CSNK1G1: variants seen among roughly 807,000 people sequenced by gnomAD.
CSNK1G1 encodes the protein casein kinase 1 gamma 1.
A neutral mutation model predicts 59.6 loss-of-function variants in CSNK1G1; 22 were observed. The observed-to-expected ratio is 0.37, with a 90% CI of 0.26 to 0.53. CSNK1G1 has a LOEUF of 0.53. CSNK1G1 is among the 20% of genes least tolerant of loss of function. The probability of loss-of-function intolerance (pLI) is 0.89; values close to 1 mark genes in which losing one functional copy is unlikely to be tolerated. For synonymous variants in CSNK1G1, 179 were observed against 177.1 expected (o/e 1.01, Z -0.08); for missense variants, 384 against 519.5 (o/e 0.74, Z 2.54).
chr15:64,215,282 G>A (rs1032848246), intron 5 of CSNK1G1, among the ~76,000 whole-genome samples: 3 of 140,964 alleles, frequency 2.1e-5, no homozygotes, highest in South Asian at 2.2e-4. Context: ...GCACGATCTC[G>A]GCTCACTGCA....
intron 1 of CSNK1G1, among the ~76,000 whole-genome samples, chr15:64,349,255 T>C (rs571471915): frequency 6.6e-6 from 1 of 152,202 alleles, no homozygotes; most frequent in Admixed American, 6.5e-5. Flanking sequence ...CAGAAATCCA[T>C]GGGGATCCAA....
chr15:64,236,913 A>G (rs1039474020), intron 4 of CSNK1G1, among the ~76,000 whole-genome samples: 15 of 152,246 alleles, frequency 9.9e-5, no homozygotes, highest in African/African-American at 3.6e-4. Context: ...GGATGAATCA[A>G]TAAAGAAAAT....
At chr15:64,332,676 A>AAAAAT (rs765472419) in intron 1 of CSNK1G1, among the ~76,000 whole-genome samples, 1 of 144,222 alleles carries the variant, frequency 6.9e-6, no homozygotes, top group African/African-American at 2.5e-5. Context: ...AAGTATAATT[A>AAAAAT]AAAATAAAAT....
intron 10 of CSNK1G1, among the ~76,000 whole-genome samples, chr15:64,183,514 T>C (rs2081848246): frequency 1.3e-5 from 2 of 152,170 alleles, no homozygotes; most frequent in Admixed American, 1.3e-4. Context: ...ACTGTGTAAG[T>C]GATGGAAGAG....
intron 3 of CSNK1G1, among the ~76,000 whole-genome samples, chr15:64,258,953 TAATC>T (rs1306765185): frequency 6.6e-6 from 1 of 152,134 alleles, no homozygotes; most frequent in African/African-American, 2.4e-5. Flanking sequence ...CAGCTTTTTT[TAATC>T]AACTAATTTT....
chr15:64,210,498 C>T lies in CSNK1G1; in HGVS notation c.680-2904G>A, dbSNP rs1023409284. Among the ~76,000 whole-genome samples, 7 of 152,040 alleles carry T rather than the reference C, an allele frequency of 4.6e-5. No individual in the cohort carries two copies. Among genetic ancestry groups the T allele is most frequent in the African/African-American group, 1.4e-4 (6 of 41,394 alleles). The stretch of plus-strand genomic sequence containing the variant: ...TTCATTTTCAAAGAAGAAAGGTTTC[C>T]AATACCAGTGAGACCAGCAGGACAC... On this transcript the variant is annotated intron_variant, in intron 6 of 11. Transcript: ENST00000303052. This position sits in a 1 kb window ranked among gnomAD's most constrained non-coding sequence, Gnocchi z 4.2.
intron 2 of CSNK1G1, among the ~76,000 whole-genome samples, chr15:64,293,087 G>A (rs2098923281): frequency 6.6e-6 from 1 of 152,130 alleles, no homozygotes; most frequent in African/African-American, 2.4e-5. Flanking sequence ...TGATTCAGCA[G>A]AAGGCTCAAA....
Position 64,356,020 on chromosome 15 carries a change from G to A in CSNK1G1, c.-257C>T, listed in dbSNP as rs915841584. On this transcript the variant is annotated 5_prime_UTR_variant, in exon 1 of 12. Transcript: ENST00000303052. ...AGCAGTGCTGCAAGGCGCAAATGAG[G>A]CGGGCGCGGTCCCCTCCCCGAGGCG... The A allele has an allele frequency of 3.9e-5, 6 of 152,266 alleles. No homozygotes were observed. Among genetic ancestry groups the A allele is most frequent in the Admixed American group, 6.6e-5 (1 of 15,260 alleles). 9.4% of individuals were successfully genotyped at this position (152,266 alleles called of 1,614,324 possible).
chr15:64,201,921 T>C (rs991487925), intron 10 of CSNK1G1, among the ~76,000 whole-genome samples: 3 of 152,202 alleles, frequency 2.0e-5, no homozygotes, highest in African/African-American at 7.2e-5. Context: ...TTTATTATGC[T>C]TTGCTTATTT....
chr15:64,340,693 C>A (rs1897638810), intron 1 of CSNK1G1, among the ~76,000 whole-genome samples: 1 of 152,140 alleles, frequency 6.6e-6, no homozygotes, highest in Non-Finnish European at 1.5e-5. Context: ...TTGGCTCATG[C>A]CTGTAATCCC....
At position 64,188,266 on chromosome 15, in the gene CSNK1G1, G is replaced by C; in HGVS notation, c.1108-7812C>G. 1 of 709,110 alleles carries C rather than the reference G, an allele frequency of 1.4e-6. No individual in the cohort carries two copies. Among genetic ancestry groups the C allele is most frequent in the Non-Finnish European group, 2.3e-6 (1 of 438,074 alleles). The allele number at this position is 709,110 out of a possible 1,614,324, so 43.9% of individuals were successfully genotyped here. A position where few individuals can be genotyped will look rare whatever the true frequency, so the allele number is the denominator to read the frequency against. ...GAAAATCTACAGAGATATTCAATTAGCCCTTCCTGTAAGCTTCCTTTCTAA... is the reference window on the plus strand; with the variant it reads ...GAAAATCTACAGAGATATTCAATTACCCCTTCCTGTAAGCTTCCTTTCTAA... On this transcript the variant is annotated intron_variant, in intron 10 of 11. Transcript: ENST00000303052. This position sits in a 1 kb window ranked among gnomAD's most constrained non-coding sequence, Gnocchi z 4.2.
chr15:64,345,095 G>C (rs1897880894), intron 1 of CSNK1G1, among the ~76,000 whole-genome samples: 1 of 152,192 alleles, frequency 6.6e-6, no homozygotes, highest in Admixed American at 6.5e-5. Context: ...AGAATATTTA[G>C]ATGTCATTAT....
chr15:64,329,234 C>T (rs1217829220), intron 1 of CSNK1G1, among the ~76,000 whole-genome samples: 8 of 151,812 alleles, frequency 5.3e-5, no homozygotes, highest in Admixed American at 1.3e-4. Context: ...TTTTTCAGCA[C>T]CACACCACAC....
chr15:64,187,103 G>A (rs1381926372), intron 10 of CSNK1G1, among the ~76,000 whole-genome samples: 1 of 151,568 alleles, frequency 6.6e-6, no homozygotes, highest in Admixed American at 6.6e-5. Context: ...TTATAGGTGC[G>A]AGCCACCACG....
chr15:64,171,688 G>A lies in CSNK1G1; in HGVS notation c.*243C>T. 1.8e-6 allele frequency: 1 copy of A among 569,632 alleles called. No homozygotes were observed. The highest frequency in any genetic ancestry group is 2.9e-5 in the East Asian group (1 of 34,464). 35.3% of individuals were successfully genotyped at this position (569,632 alleles called of 1,614,324 possible). Reference sequence around the variant, plus strand: ...GAGAGTCAACCAGGCAGCCCTATGGGCAAGCAGTGGAGGAACAGCAGCTCT... The same window carrying A: ...GAGAGTCAACCAGGCAGCCCTATGGACAAGCAGTGGAGGAACAGCAGCTCT... On this transcript the variant is annotated 3_prime_UTR_variant, in exon 12 of 12. Coordinates refer to ENST00000303052, the MANE Select transcript of CSNK1G1 (RefSeq NM_022048.5). The surrounding 1 kb of genome is among the most constrained non-coding windows in gnomAD (Gnocchi z 4.8).
chr15:64,211,078 ATTTAAAGGTCT>A (rs1003284712), intron 6 of CSNK1G1, among the ~76,000 whole-genome samples: 9 of 152,184 alleles, frequency 5.9e-5, no homozygotes, highest in Non-Finnish European at 8.8e-5. Flanking sequence ...CCTGAGCCAA[ATTTAAAGGTCT>A]TTTCTTTATA....
chr15:64,172,086 G>C (rs927194416), intron 11 of CSNK1G1, 101 bp from the exon 12 acceptor site: 13 of 1,069,672 alleles, frequency 1.2e-5, no homozygotes, highest in Non-Finnish European at 1.9e-5. Flanking sequence ...TTTCCCCCTA[G>C]CACCCACCCA....
chr15:64,219,663 T>A (rs1049397766), intron 4 of CSNK1G1, among the ~76,000 whole-genome samples: 1 of 152,126 alleles, frequency 6.6e-6, no homozygotes, highest in African/African-American at 2.4e-5. Flanking sequence ...TCCCACTATG[T>A]TGTCCAGGCT....
intron 2 of CSNK1G1, among the ~76,000 whole-genome samples, chr15:64,277,190 T>C (rs1472091759): frequency 6.6e-6 from 1 of 152,146 alleles, no homozygotes; most frequent in African/African-American, 2.4e-5. Context: ...GGAGGCTGGG[T>C]GCTGTGGCAC....
Sources: gnomAD v4.1 joint callset for allele counts (sites outside exome capture counted in the v4.1 genomes callset) on GRCh38, gnomAD v4.1.1 for gene constraint, Gnocchi (gnomAD v3.1) non-coding constraint, MANE v1.5 for transcripts, NCBI Gene and HGNC (gene_info 2026-07-23, HGNC 2026-07-21) for gene names.